Variants in ADGRE5 observed in about 807,000 individuals in gnomAD.
The protein encoded by ADGRE5 is adhesion G protein-coupled receptor E5.
In ADGRE5, 72 loss-of-function variants were observed where a neutral mutation model predicts 100.3. The ratio of observed to expected loss-of-function variants is 0.72; its 90% CI spans 0.59 to 0.87. ADGRE5 has a LOEUF of 0.87. Among genes scored for constraint, ADGRE5 ranks in the 40% least tolerant of loss-of-function variants. The pLI, the probability that ADGRE5 is intolerant of heterozygous loss-of-function variation, is 0.00. For missense variants in ADGRE5, 959 were observed against 1,094.7 expected (o/e 0.88, Z 1.75); for synonymous variants, 439 against 447.8 (o/e 0.98, Z 0.25).
chr19:14,390,327 C>CTTT (rs1194246206), intron 3 of ADGRE5, among the ~76,000 whole-genome samples: 1 of 137,842 alleles, frequency 7.3e-6, no homozygotes, highest in Non-Finnish European at 1.6e-5. Context: ...TTTTTTTTTC[C>CTTT]TTTTTTTTTT....
chr19:14,398,153 G>T lies in ADGRE5; in HGVS notation c.897+14G>T. On this transcript the variant is annotated intron_variant, in intron 9 of 19. Transcript: ENST00000242786. The stretch of plus-strand genomic sequence containing the variant: ...GTCACCATCCAGGTAAGGGCAGGAT[G>T]CTGGGGGACCCCAGGACAGTGTAGA... 1.2e-6 allele frequency: 2 copies of T among 1,612,756 alleles called. No homozygotes were observed. Among genetic ancestry groups the T allele is most frequent in the Middle Eastern group, 3.3e-4 (2 of 6,060 alleles).
At chr19:14,405,994 G>A in intron 14 of ADGRE5, 55 bp downstream of exon 14, 1 of 1,485,210 alleles carries the variant, frequency 6.7e-7, no homozygotes, top group Non-Finnish European at 9.1e-7. Context: ...GCCTGGGAGG[G>A]GTTAGCCCCG....
Position 14,396,551 on chromosome 19 carries a change from A to G in ADGRE5, c.478+78A>G, listed in dbSNP as rs1975787927. On this transcript the variant is annotated intron_variant, in intron 5 of 19. Coordinates refer to ENST00000242786, the MANE Select transcript of ADGRE5 (RefSeq NM_078481.4). ...TGAGGCACGTCCTCCAAAGCAGCCG[A>G]GGAGGAGGGGGAAGATCCGCAGGTT... 5.7e-6 allele frequency: 9 copies of G among 1,586,264 alleles called. No individual in the cohort carries two copies. The Admixed American group carries it at 1.6e-4, about 28-fold the overall frequency.
At position 14,401,196 on chromosome 19, in the gene ADGRE5, G is replaced by A. The variant is rs1012798410; in HGVS notation, c.898-190G>A. ...AGCCCGTGCCCAACCAGTGTTAAGCGCTGTGATTCATACGTGCATGCAGGC... is the reference window on the plus strand; with the variant it reads ...AGCCCGTGCCCAACCAGTGTTAAGCACTGTGATTCATACGTGCATGCAGGC... On this transcript the variant is annotated intron_variant, in intron 9 of 19. Coordinates refer to ENST00000242786, the MANE Select transcript of ADGRE5 (RefSeq NM_078481.4). The surrounding 1 kb of genome is among the most constrained non-coding windows in gnomAD (Gnocchi z 4.1). Among the ~76,000 whole-genome samples the A allele has an allele frequency of 8.5e-5, 13 of 152,166 alleles. No homozygotes were observed. Among genetic ancestry groups the A allele is most frequent in the South Asian group, 6.2e-4 (3 of 4,834 alleles).
At chr19:14,381,599 T>G in intron 1 of ADGRE5, 54 bp downstream of exon 1, 3 of 1,567,396 alleles carry the variant, frequency 1.9e-6, no homozygotes, top group Non-Finnish European at 2.6e-6. Context: ...GCGGGACCCC[T>G]TGGCTGCGTC....
At chr19:14,390,613 T>C (rs1975567846) in intron 3 of ADGRE5, among the ~76,000 whole-genome samples, 1 of 152,100 alleles carries the variant, frequency 6.6e-6, no homozygotes, top group South Asian at 2.1e-4. Flanking sequence ...CGTGAGCCAC[T>C]GCACCCGGCC....
At chr19:14,396,001 C>T (rs982555962) in intron 4 of ADGRE5, among the ~76,000 whole-genome samples, 3 of 152,232 alleles carry the variant, frequency 2.0e-5, no homozygotes, top group African/African-American at 7.2e-5. Context: ...ACGTGTCCTG[C>T]CCAGGCGCAC....
chr19:14,388,607 C>G (rs1166929613), intron 2 of ADGRE5, 95 bp from the exon 3 acceptor site: 11 of 1,607,800 alleles, frequency 6.8e-6, no homozygotes, highest in South Asian at 2.2e-5. Flanking sequence ...GGCTCGCGCA[C>G]GAGAAACTCA....
chr19:14,394,319 C>A (rs906251472), intron 4 of ADGRE5, among the ~76,000 whole-genome samples: 6 of 152,106 alleles, frequency 3.9e-5, no homozygotes, highest in African/African-American at 1.4e-4. Context: ...CCAAGGCACT[C>A]CAGGCTTCGC....
intron 9 of ADGRE5, among the ~76,000 whole-genome samples, chr19:14,398,548 G>A (rs1333860727): frequency 1.3e-5 from 2 of 151,794 alleles, no homozygotes; most frequent in East Asian, 3.9e-4. Context: ...GGTGGCGGGT[G>A]CCTGTAGTCC....
chr19:14,399,477 T>C (rs1325408518), intron 9 of ADGRE5, among the ~76,000 whole-genome samples: 1 of 137,066 alleles, frequency 7.3e-6, no homozygotes, highest in African/African-American at 2.8e-5. Flanking sequence ...GGCAGGAGAA[T>C]GGCGTGAACC....
intron 9 of ADGRE5, among the ~76,000 whole-genome samples, chr19:14,398,589 G>A (rs113962416): frequency 0.016 from 2,323 of 149,350 alleles, 32 homozygotes; most frequent in Non-Finnish European, 0.025. Flanking sequence ...GCAGGACAAT[G>A]ACGTGAACCT....
At chr19:14,407,654 A>G (rs1188076315) in intron 18 of ADGRE5, among the ~76,000 whole-genome samples, 4 of 150,556 alleles carry the variant, frequency 2.7e-5, no homozygotes, top group Non-Finnish European at 5.9e-5. Context: ...AAAAAAAAAA[A>G]GCCGGGTGTG....
intron 1 of ADGRE5, among the ~76,000 whole-genome samples, chr19:14,387,428 A>AT (rs1975397664): frequency 6.6e-6 from 1 of 152,110 alleles, no homozygotes; most frequent in Non-Finnish European, 1.5e-5. Flanking sequence ...CTGTAAAATA[A>AT]TTTTTTGAAT....
At chr19:14,391,873 G>A (rs1975612615) in intron 4 of ADGRE5, among the ~76,000 whole-genome samples, 1 of 152,036 alleles carries the variant, frequency 6.6e-6, no homozygotes, top group African/African-American at 2.4e-5. Flanking sequence ...CGAGGTGGGT[G>A]GATCACAACG....
intron 12 of ADGRE5, among the ~76,000 whole-genome samples, chr19:14,403,413 C>T (rs542313874): frequency 1.2e-4 from 18 of 152,186 alleles, no homozygotes; most frequent in East Asian, 7.7e-4. Context: ...AGTGCAGTGG[C>T]GCGATTATAG....
At chr19:14,395,669 G>A (rs1287297912) in intron 4 of ADGRE5, among the ~76,000 whole-genome samples, 1 of 152,194 alleles carries the variant, frequency 6.6e-6, no homozygotes, top group East Asian at 1.9e-4. Context: ...CTTTCCTGGG[G>A]ATCAGAAAAA....
Position 14,408,612 on chromosome 19 carries a change from G to C in ADGRE5, c.*491G>C. ...CACGGTACAGAGGCCTGCCCTGCCT[G>C]GCCGGGCAGGAGGTTCTCACTGTTG... On this transcript the variant is annotated 3_prime_UTR_variant, in exon 20 of 20. Coordinates refer to ENST00000242786, the MANE Select transcript of ADGRE5 (RefSeq NM_078481.4). The C allele has an allele frequency of 2.3e-6, 1 of 439,494 alleles. No individual in the cohort carries two copies. Among genetic ancestry groups the C allele is most frequent in the Non-Finnish European group, 4.0e-6 (1 of 248,718 alleles). The allele number at this position is 439,494 out of a possible 1,614,324, so 27.2% of individuals were successfully genotyped here.
At chr19:14,403,531 T>C (rs1488771889) in intron 12 of ADGRE5, among the ~76,000 whole-genome samples, 1 of 152,104 alleles carries the variant, frequency 6.6e-6, no homozygotes. Flanking sequence ...TTTTTTATTT[T>C]TGATAGAGAC....
Sources: gnomAD v4.1 joint callset for allele counts (sites outside exome capture counted in the v4.1 genomes callset) on GRCh38, gnomAD v4.1.1 for gene constraint, Gnocchi (gnomAD v3.1) non-coding constraint, MANE v1.5 for transcripts, NCBI Gene and HGNC (gene_info 2026-07-23, HGNC 2026-07-21) for gene names.